The following SAMMSON variants were observed in gnomAD, a reference collection of about 807,000 sequenced individuals.
SAMMSON encodes long intergenic non-protein coding RNA 1212.
In SAMMSON at chr3:70,223,931, C is replaced by A. The variant is rs74608348; in HGVS notation, n.508-25176C>A. Among the ~76,000 whole-genome samples the A allele has an allele frequency of 5.3e-3, 809 of 152,178 alleles. 10 individuals carry two copies. The highest frequency in any genetic ancestry group is 0.019 in the African/African-American group (769 of 41,516). On this transcript the variant is annotated intron_variant and non_coding_transcript_variant, in intron 4 of 9. Transcript: ENST00000642114. ...TAACTTTTGTACTCTCCTCTCCCCCCACCCTTTTGGTTTTGTTTCTTTCTT... is the reference window on the plus strand; with the variant it reads ...TAACTTTTGTACTCTCCTCTCCCCCAACCCTTTTGGTTTTGTTTCTTTCTT...
intron 3 of SAMMSON, among the ~76,000 whole-genome samples, chr3:70,044,554 T>C (rs944082734): frequency 2.5e-4 from 38 of 151,984 alleles, no homozygotes; most frequent in African/African-American, 8.9e-4. Context: ...AATCATTAAA[T>C]CAACTTTGTA....
intron 6 of SAMMSON, among the ~76,000 whole-genome samples, chr3:70,256,238 A>G (rs1701814970): frequency 6.6e-6 from 1 of 152,216 alleles, no homozygotes; most frequent in Non-Finnish European, 1.5e-5. Context: ...ATAAAAATGA[A>G]GCCACTTTCT....
At chr3:70,149,790 G>C (rs977130626) in intron 4 of SAMMSON, among the ~76,000 whole-genome samples, 6 of 152,050 alleles carry the variant, frequency 3.9e-5, no homozygotes, top group Non-Finnish European at 5.9e-5. Context: ...AGGCATCAGA[G>C]AAATCAAAAT....
intron 7 of SAMMSON, among the ~76,000 whole-genome samples, chr3:70,302,960 C>A (rs1284500999): frequency 2.0e-5 from 3 of 151,986 alleles, no homozygotes; most frequent in African/African-American, 7.2e-5. Flanking sequence ...ATTTGTTGGC[C>A]TATGAGAACA....
intron 1 of SAMMSON, among the ~76,000 whole-genome samples, chr3:70,007,789 G>T (rs192025962): frequency 3.9e-4 from 60 of 152,144 alleles, no homozygotes; most frequent in Non-Finnish European, 4.0e-4. Flanking sequence ...GGTCTAACAT[G>T]TAAGTCTTTA....
intron 6 of SAMMSON, among the ~76,000 whole-genome samples, chr3:70,287,008 G>T (rs1450715324): frequency 6.7e-6 from 1 of 149,258 alleles, no homozygotes; most frequent in Admixed American, 6.7e-5. Flanking sequence ...TGCAAACAGG[G>T]ACAATTTGAC....
At chr3:70,319,224 T>C (rs1160372785) in intron 7 of SAMMSON, among the ~76,000 whole-genome samples, 1 of 152,064 alleles carries the variant, frequency 6.6e-6, no homozygotes, top group East Asian at 1.9e-4. Flanking sequence ...TTTGCTGCCT[T>C]AGCTCAGCAA....
At chr3:70,113,208 A>G (rs923807557) in intron 4 of SAMMSON, among the ~76,000 whole-genome samples, 23 of 152,254 alleles carry the variant, frequency 1.5e-4, no homozygotes, top group African/African-American at 5.1e-4. Context: ...AATTAATGAT[A>G]AAATAGAAAT....
At position 70,108,347 on chromosome 3, in the gene SAMMSON, G is replaced by C. The variant is rs55725140; in HGVS notation, n.507+36782G>C. 3.2e-3 allele frequency among the ~76,000 whole-genome samples: 478 copies of C among 149,252 alleles called. 6 individuals are homozygous for C. The highest frequency in any genetic ancestry group is 0.011 in the African/African-American group (450 of 40,822). The stretch of plus-strand genomic sequence containing the variant: ...GGCTAGGTTTACGCAGGCAATATAA[G>C]TGCTACAAATAAGGTCAGCCGTCAG... On this transcript the variant is annotated intron_variant and non_coding_transcript_variant, in intron 4 of 9. Transcript: ENST00000642114.
rs571979940 is a variant in SAMMSON, at chr3:70,256,412, A to C, written n.674+6742A>C. Among the ~76,000 whole-genome samples the C allele has an allele frequency of 4.1e-4, 62 of 152,332 alleles. No homozygotes were observed. The South Asian group carries it at 0.012, about 30-fold the overall frequency. ...CCTTTAAAATGCCATGCTGACTGTA[A>C]ACTGCAATTAATAAAAGCTTATGCT... is the stretch of plus-strand genomic sequence containing the variant. On this transcript the variant is annotated intron_variant and non_coding_transcript_variant, in intron 6 of 9. Coordinates refer to ENST00000642114, the Ensembl canonical transcript of SAMMSON.
chr3:70,405,875 A>T (rs1383509344), intron 2 of SAMMSON, among the ~76,000 whole-genome samples: 1 of 152,208 alleles, frequency 6.6e-6, no homozygotes, highest in Admixed American at 6.5e-5. Context: ...TAAAAATAAA[A>T]CTATATCAAG....
intron 7 of SAMMSON, among the ~76,000 whole-genome samples, chr3:70,324,153 CTCTATCTATCTA>C (rs200387919): frequency 2.9e-4 from 43 of 148,662 alleles, no homozygotes; most frequent in East Asian, 1.8e-3. Flanking sequence ...CTTTACATCT[CTCTATCTATCTA>C]TCTATCTATC....
intron 7 of SAMMSON, among the ~76,000 whole-genome samples, chr3:70,330,426 A>G (rs776016180): frequency 1.3e-5 from 2 of 152,000 alleles, no homozygotes; most frequent in Non-Finnish European, 2.9e-5. Flanking sequence ...CTTTATCTAT[A>G]TTGTATATCT....
At chr3:70,357,412 G>T (rs1702837364) in intron 8 of SAMMSON, among the ~76,000 whole-genome samples, 1 of 151,858 alleles carries the variant, frequency 6.6e-6, no homozygotes, top group Non-Finnish European at 1.5e-5. Flanking sequence ...TTATATTTAG[G>T]GTTAATGCCT....
chr3:70,178,498 G>T (rs1324505435), intron 4 of SAMMSON, among the ~76,000 whole-genome samples: 1 of 152,144 alleles, frequency 6.6e-6, no homozygotes, highest in Non-Finnish European at 1.5e-5. Context: ...CTGTCTTTTA[G>T]TGGAAGAGTC....
intron 4 of SAMMSON, among the ~76,000 whole-genome samples, chr3:70,234,186 G>A (rs1036373526): frequency 6.6e-6 from 1 of 152,188 alleles, no homozygotes; most frequent in South Asian, 2.1e-4. Flanking sequence ...TTGGGTATGA[G>A]ACAATTCCAC....
chr3:70,270,403 A>C (rs1470518869), intron 6 of SAMMSON, among the ~76,000 whole-genome samples: 2 of 152,240 alleles, frequency 1.3e-5, no homozygotes, highest in Non-Finnish European at 2.9e-5. Flanking sequence ...AAAAACACAG[A>C]CCAAACACAT....
At chr3:70,020,526 CA>C (rs575394943) in intron 3 of SAMMSON, among the ~76,000 whole-genome samples, 59 of 152,192 alleles carry the variant, frequency 3.9e-4, no homozygotes, top group Non-Finnish European at 7.8e-4. Context: ...GCAAACTTGT[CA>C]AAGAGGTGGT....
At chr3:70,107,021 G>A (rs2067369536) in intron 4 of SAMMSON, among the ~76,000 whole-genome samples, 1 of 152,152 alleles carries the variant, frequency 6.6e-6, no homozygotes, top group African/African-American at 2.4e-5. Context: ...TGCAAATATT[G>A]GACACCCAGT....
Sources: allele counts gnomAD v4.1 joint callset (sites outside exome capture counted in the v4.1 genomes callset), GRCh38; gene constraint gnomAD v4.1.1; transcripts MANE v1.5; gene names NCBI Gene and HGNC (gene_info 2026-07-23, HGNC 2026-07-21).